FBF1: variants seen among roughly 807,000 people sequenced by gnomAD.
FBF1 encodes the protein Fas binding factor 1.
In FBF1, 119 loss-of-function variants were observed where a neutral mutation model predicts 147.2. The ratio of observed to expected loss-of-function variants is 0.81; its 90% CI spans 0.70 to 0.94. The LOEUF is 0.94. FBF1 is among the 40% of genes least tolerant of loss of function. FBF1 has a pLI of 0.00. For missense variants in FBF1, 1,449 were observed against 1,500.8 expected (o/e 0.97, Z 0.57); for synonymous variants, 601 against 609.0 (o/e 0.99, Z 0.19).
intron 1 of FBF1, chr17:75,940,638 C>CTCCT: frequency 6.5e-6 from 1 of 153,908 alleles, no homozygotes. Flanking sequence ...CTTCTGGCAT[C>CTCCT]TCCTATCGAT....
intron 25 of FBF1, 151 bp downstream of exon 25, chr17:75,914,596 T>C (rs1344681039): frequency 1.1e-5 from 9 of 855,998 alleles, no homozygotes; most frequent in Non-Finnish European, 1.6e-5. Flanking sequence ...GAGGAAGATG[T>C]TAGCATGATG....
At chr17:75,914,337 G>A in intron 25 of FBF1, 39 bp from the exon 26 acceptor site, 1 of 1,560,664 alleles carries the variant, frequency 6.4e-7, no homozygotes, top group Non-Finnish European at 8.6e-7. Flanking sequence ...CTCCTCCCAG[G>A]AATTGCGCTG....
At chr17:75,926,478 G>T in intron 10 of FBF1, 52 bp from the exon 11 acceptor site, 1 of 1,495,356 alleles carries the variant, frequency 6.7e-7, no homozygotes. Flanking sequence ...CCTCAACTGT[G>T]ATATCTGAAT....
In FBF1 at chr17:75,912,291, A is replaced by T. The variant is rs1407357096; in HGVS notation, c.3264T>A (p.Ala1088=). ...ASSQSALMPP[A]PTTRWCSQPP... ...GCTGGCTGCACCAACGGGTGGTGGG[A>T]GCAGGAGGCATGAGGGCTGAAAAGG... Residue 1088 remains alanine (A), a synonymous_variant, in exon 29 of 30, where the codon GCT becomes GCA. Coordinates refer to ENST00000636174, the MANE Select transcript of FBF1 (RefSeq NM_001319193.2). 5 of 1,602,400 alleles carry T rather than the reference A, an allele frequency of 3.1e-6. No homozygotes were observed. Among genetic ancestry groups the T allele is most frequent in the Non-Finnish European group, 3.4e-6 (4 of 1,174,822 alleles).
chr17:75,926,701 A>G (rs2065563962), intron 10 of FBF1, 57 bp downstream of exon 10: 1 of 1,568,302 alleles, frequency 6.4e-7, no homozygotes, highest in African/African-American at 1.4e-5. Flanking sequence ...AAGGCTGGTT[A>G]GCTTGTTGCC....
rs1312800068 is a variant in FBF1, at chr17:75,925,167, G to C, written c.968+180C>G. 6.6e-6 allele frequency among the ~76,000 whole-genome samples: 1 copy of C among 152,206 alleles called. No homozygotes were observed. The highest frequency in any genetic ancestry group is 6.5e-5 in the Admixed American group (1 of 15,284). On this transcript the variant is annotated intron_variant, in intron 13 of 29. Transcript: ENST00000636174. The surrounding 1 kb of genome is among the most constrained non-coding windows in gnomAD (Gnocchi z 5.0). ...CCACTGGGGCCATCTCCTCCACTCTGTCTGGGCTGGCGGGACCAGGCCATC... is the reference window on the plus strand; with the variant it reads ...CCACTGGGGCCATCTCCTCCACTCTCTCTGGGCTGGCGGGACCAGGCCATC...
intron 28 of FBF1, 94 bp from the exon 29 acceptor site, chr17:75,912,401 T>G: frequency 1.1e-6 from 1 of 916,668 alleles, no homozygotes; most frequent in Non-Finnish European, 1.6e-6. Flanking sequence ...CCCCCGCCAG[T>G]GGGTGGACCC....
intron 29 of FBF1, 145 bp downstream of exon 29, chr17:75,912,047 C>G (rs1303427723): frequency 2.7e-6 from 2 of 728,940 alleles, no homozygotes; most frequent in Non-Finnish European, 4.7e-6. Flanking sequence ...GAAGTCTGAG[C>G]ATTGGCTCAC....
chr17:75,923,221 A>C lies in FBF1; in HGVS notation c.1389T>G (p.His463Gln). The C allele has an allele frequency of 6.3e-7, 1 of 1,592,788 alleles. No individual in the cohort carries two copies. The highest frequency in any genetic ancestry group is 8.5e-7 in the Non-Finnish European group (1 of 1,170,308). ...EQHAGTSEGL[H>Q]LAGTAGHPPS... ...GGGGATGGCCCGCTGTCCCCGCCAA[A>C]TGCAGGCCCTCAGAGGTCCCAGCAT... Residue 463 changes from histidine (H) to glutamine (Q), a missense_variant, in exon 14 of 30, where the codon CAT (histidine) becomes CAG (glutamine). His to Gln is a conservative substitution (Grantham distance 24). Coordinates refer to ENST00000636174, the MANE Select transcript of FBF1 (RefSeq NM_001319193.2). This position sits in a 1 kb window ranked among gnomAD's most constrained non-coding sequence, Gnocchi z 4.1.
In FBF1 at chr17:75,910,047, C is replaced by A. The variant is rs2065448395; in HGVS notation, c.*676G>T. On this transcript the variant is annotated 3_prime_UTR_variant, in exon 30 of 30. Transcript: ENST00000636174. This position sits in a 1 kb window ranked among gnomAD's most constrained non-coding sequence, Gnocchi z 4.1. ...CCCACCATCGCCACAGCTCCCTCCGCCGCCGGTGGGGCACCCAGATGGGGA... is the reference window on the plus strand; with the variant it reads ...CCCACCATCGCCACAGCTCCCTCCGACGCCGGTGGGGCACCCAGATGGGGA... The A allele has an allele frequency of 3.1e-6, 2 of 643,610 alleles. No homozygotes were observed. The allele number at this position is 643,610 out of a possible 1,614,324, so 39.9% of individuals were successfully genotyped here.
In FBF1 at chr17:75,930,149, C is replaced by T. The variant is rs139762388; in HGVS notation, c.229-102G>A. ...CCCTTGCTTCTGTTAGGGCAGACGGCGCGGCAGGAGCAGAGCTTGGCCAAT... is the reference window on the plus strand; with the variant it reads ...CCCTTGCTTCTGTTAGGGCAGACGGTGCGGCAGGAGCAGAGCTTGGCCAAT... On this transcript the variant is annotated intron_variant, in intron 6 of 29. Transcript: ENST00000636174. 749 of 884,580 alleles carry T rather than the reference C, an allele frequency of 8.5e-4. 1 individual carries two copies. The highest frequency in any genetic ancestry group is 1.2e-3 in the Non-Finnish European group (663 of 549,670). 54.8% of individuals were successfully genotyped at this position (884,580 alleles called of 1,614,324 possible). A position where few individuals can be genotyped will look rare whatever the true frequency, so the allele number is the denominator to read the frequency against.
intron 2 of FBF1, chr17:75,937,895 T>G (rs1186935791): frequency 1.6e-6 from 1 of 628,678 alleles, no homozygotes; most frequent in African/African-American, 1.8e-5. Flanking sequence ...TGTCTTCTAT[T>G]CCGTGCCCCT....
rs755287020 is a variant in FBF1 at position 75,928,989 on chromosome 17, CT to C, written c.280-797del. Among the ~76,000 whole-genome samples, 442 of 135,996 alleles carry C rather than the reference CT, an allele frequency of 3.3e-3. 2 individuals are homozygous for C. The highest frequency in any genetic ancestry group is 0.012 in the East Asian group (58 of 4,696). The allele number at this position is 135,996 out of a possible 152,430, so 89.2% of individuals were successfully genotyped here. ...TACAGGAGTAAGCCACCATGCCAGA[CT>C]TTTTTTTTTTTTTTGAAGACAGAGT... On this transcript the variant is annotated intron_variant, in intron 7 of 29. Coordinates refer to ENST00000636174, the MANE Select transcript of FBF1 (RefSeq NM_001319193.2). This position sits in a 1 kb window ranked among gnomAD's most constrained non-coding sequence, Gnocchi z 4.2.
intron 29 of FBF1, 111 bp downstream of exon 29, chr17:75,912,081 C>A (rs947297529): frequency 9.5e-7 from 1 of 1,056,624 alleles, no homozygotes. Context: ...GTTTTACTCC[C>A]CAGGAGCTGG....
At chr17:75,940,748 C>G (rs375748123) in intron 1 of FBF1, 100 bp downstream of exon 1, 10 of 153,896 alleles carry the variant, frequency 6.5e-5, no homozygotes, top group African/African-American at 2.4e-4. Flanking sequence ...TCAGCCGACT[C>G]CATGCCAGGC....
rs2065500175 is a variant in FBF1, at chr17:75,918,081, A to C, written c.2247-11T>G. The C allele has an allele frequency of 6.2e-7, 1 of 1,606,342 alleles. No individual in the cohort carries two copies. The highest frequency in any genetic ancestry group is 8.5e-7 in the Non-Finnish European group (1 of 1,175,364). ...ATGCTATTCAGGGACCTGGAAGAAG[A>C]CTGGGTCACCCCCTCCTGACGGTCT... On this transcript the variant is annotated splice_polypyrimidine_tract_variant and intron_variant, in intron 21 of 29. Transcript: ENST00000636174. The surrounding 1 kb of genome is among the most constrained non-coding windows in gnomAD (Gnocchi z 5.8).
chr17:75,920,283 C>T lies in FBF1; in HGVS notation c.1821G>A (p.Leu607=). ...CCCCGCTGCCCCTCACCTGGGCCTC[C>T]AGCTCTGCCAGCCGGGCCTGGCTAT... ...LLHSQARLAE[L]EAQVRKLELE... is the part of the protein sequence containing the mutation. The change falls in exon 18 of 30, where the codon CTG becomes CTA. Residue 607 remains leucine, a synonymous_variant. Coordinates refer to ENST00000636174, the MANE Select transcript of FBF1 (RefSeq NM_001319193.2). 6.2e-7 allele frequency: 1 copy of T among 1,609,750 alleles called. No individual in the cohort carries two copies. Among genetic ancestry groups the T allele is most frequent in the South Asian group, 1.1e-5 (1 of 90,848 alleles).
At position 75,923,594 on chromosome 17, in the gene FBF1, G is replaced by C; in HGVS notation, c.1016C>G (p.Ser339Cys). The change falls in exon 14 of 30, where the codon TCC becomes TGC. Residue 339 changes from serine (S) to cysteine (C), a missense_variant. Coordinates refer to ENST00000636174, the MANE Select transcript of FBF1 (RefSeq NM_001319193.2). The surrounding 1 kb of genome is among the most constrained non-coding windows in gnomAD (Gnocchi z 4.1). ...GGAAGCCATTGGAGGGCTCTGTTTG[G>C]AGCCTGGTTCTCCCTTGGGGTCTGC... ...SGADPKGEPG[S>C]KQSPPMASSP... The C allele has an allele frequency of 6.2e-7, 1 of 1,610,618 alleles. No homozygotes were observed. Among genetic ancestry groups the C allele is most frequent in the African/African-American group, 1.3e-5 (1 of 75,040 alleles).
In FBF1 at chr17:75,914,529, A is replaced by G. The variant is rs1479701716; in HGVS notation, c.2814+218T>C. 9.5e-6 allele frequency: 8 copies of G among 844,622 alleles called. No individual in the cohort carries two copies. The East Asian group carries it at 1.6e-4, about 17-fold the overall frequency. The allele number at this position is 844,622 out of a possible 1,614,324, so 52.3% of individuals were successfully genotyped here. ...TCGGTTTCCTCATTTCTAAATGACC[A>G]AAGTCATGGGAACATGAGGATCAAA... On this transcript the variant is annotated intron_variant, in intron 25 of 29. Transcript: ENST00000636174.
Sources: gnomAD v4.1 joint callset for allele counts (sites outside exome capture counted in the v4.1 genomes callset) on GRCh38, gnomAD v4.1.1 for gene constraint, Gnocchi (gnomAD v3.1) non-coding constraint, MANE v1.5 for transcripts, NCBI Gene and HGNC (gene_info 2026-07-23, HGNC 2026-07-21) for gene names.